The following CSMD1 variants were observed in gnomAD, a reference collection of about 807,000 sequenced individuals.
CSMD1 encodes the protein CUB and sushi domain-containing protein 1.
In CSMD1, 213 loss-of-function variants were observed where a neutral mutation model predicts 417.5. The observed-to-expected ratio is 0.51, with a 90% CI of 0.46 to 0.57. The LOEUF is 0.57. CSMD1 is among the 20% of genes least tolerant of loss of function. The probability of loss-of-function intolerance (pLI) is 0.00; values close to 1 mark genes in which losing one functional copy is unlikely to be tolerated. For synonymous variants in CSMD1, 2,862 were observed against 1,736.8 expected (o/e 1.65, Z -16.11); for missense variants, 6,923 against 4,529.7 (o/e 1.53, Z -15.17).
At chr8:4,631,637 AC>A (rs1215798829) in intron 2 of CSMD1, among the ~76,000 whole-genome samples, 1 of 152,146 alleles carries the variant, frequency 6.6e-6, no homozygotes, top group Admixed American at 6.6e-5. Flanking sequence ...CCACAATAAA[AC>A]TGTTTTTAAA....
intron 5 of CSMD1, among the ~76,000 whole-genome samples, chr8:3,971,375 G>A (rs142434603): frequency 1.1e-4 from 17 of 152,218 alleles, no homozygotes; most frequent in South Asian, 2.1e-4. Flanking sequence ...AAATATAAAT[G>A]ACGACTGTCC....
rs191920477 is a variant in CSMD1 at position 3,422,619 on chromosome 8, G to A, written c.1562-13014C>T. 5.3e-5 allele frequency among the ~76,000 whole-genome samples: 8 copies of A among 152,232 alleles called. No individual in the cohort carries two copies. The East Asian group carries it at 1.5e-3, about 29-fold the overall frequency. ...AGGGCTAGACCATGATCTGTCTTTTGGGAATCAAGTGGGAAATAAATTAAA... is the reference window on the plus strand; with the variant it reads ...AGGGCTAGACCATGATCTGTCTTTTAGGAATCAAGTGGGAAATAAATTAAA... On this transcript the variant is annotated intron_variant, in intron 12 of 69. Coordinates refer to ENST00000635120, the MANE Select transcript of CSMD1 (RefSeq NM_033225.6).
At chr8:4,421,776 A>G (rs1797258954) in intron 2 of CSMD1, among the ~76,000 whole-genome samples, 1 of 152,118 alleles carries the variant, frequency 6.6e-6, no homozygotes, top group African/African-American at 2.4e-5. Context: ...GAACTATAAA[A>G]GAAAAAAACA....
chr8:4,795,349 GCAAGCTCCGCCTCCCAGGTT>G (rs1357575965), intron 1 of CSMD1, among the ~76,000 whole-genome samples: 1 of 126,186 alleles, frequency 7.9e-6, no homozygotes, highest in African/African-American at 3.0e-5. Context: ...TTGGCTCACT[GCAAGCTCCGCCTCCCAGGTT>G]CAAGCAATTC....
At chr8:4,993,024 T>C (rs948834696) in intron 1 of CSMD1, among the ~76,000 whole-genome samples, 1 of 152,040 alleles carries the variant, frequency 6.6e-6, no homozygotes, top group African/African-American at 2.4e-5. Context: ...GGCACGTCTC[T>C]CCCCCGCTCT....
intron 2 of CSMD1, among the ~76,000 whole-genome samples, chr8:4,456,575 C>T (rs779365475): frequency 6.6e-6 from 1 of 152,150 alleles, no homozygotes; most frequent in Non-Finnish European, 1.5e-5. Context: ...ACAGCCCTGT[C>T]TTCTCACAAA....
At position 3,253,056 on chromosome 8, in the gene CSMD1, C is replaced by T. The variant is rs139195733; in HGVS notation, c.4154-22825G>A. The stretch of plus-strand genomic sequence containing the variant: ...TTTTTGAAGGGTATTTTAGTTATTT[C>T]TTTCCTTCTGCTAGCTTTTGAGTAT... On this transcript the variant is annotated intron_variant, in intron 26 of 69. Transcript: ENST00000635120. Among the ~76,000 whole-genome samples the T allele has an allele frequency of 5.9e-3, 883 of 150,230 alleles. 8 individuals carry two copies. Among genetic ancestry groups the T allele is most frequent in the African/African-American group, 0.02 (828 of 41,092 alleles).
chr8:4,369,641 C>G (rs1263550714), intron 3 of CSMD1, among the ~76,000 whole-genome samples: 3 of 152,168 alleles, frequency 2.0e-5, no homozygotes, highest in Non-Finnish European at 4.4e-5. Context: ...AGTGACTTAA[C>G]TACTTAAAAT....
At position 4,604,408 on chromosome 8, in the gene CSMD1, T is replaced by TGCGCGCGC. The variant is rs766177830; in HGVS notation, c.302+32933_302+32934insGCGCGCGC. On this transcript the variant is annotated intron_variant, in intron 2 of 69. Transcript: ENST00000635120. ...GTGTGTGTGTGTGTGTGTGTGTGTG[T>TGCGCGCGC]GTGCGCGTGCGTAAAGACTAGGATC... Among the ~76,000 whole-genome samples the TGCGCGCGC allele has an allele frequency of 1.2e-4, 7 of 59,496 alleles. No individual in the cohort carries two copies. In the South Asian group the frequency reaches 2.0e-3, roughly 17 times the overall value. The allele number at this position is 59,496 out of a possible 152,430, so 39.0% of individuals were successfully genotyped here. A position where few individuals can be genotyped will look rare whatever the true frequency, so the allele number is the denominator to read the frequency against.
At chr8:3,777,475 G>C (rs1456368219) in intron 5 of CSMD1, among the ~76,000 whole-genome samples, 1 of 152,156 alleles carries the variant, frequency 6.6e-6, no homozygotes, top group East Asian at 1.9e-4. Context: ...CTGGTGTCCT[G>C]CTACTCTAAG....
chr8:4,721,641 G>C (rs937214804), intron 1 of CSMD1, among the ~76,000 whole-genome samples: 1 of 152,206 alleles, frequency 6.6e-6, no homozygotes, highest in Non-Finnish European at 1.5e-5. Context: ...TAATGGAAGA[G>C]TATGGAGGTT....
Position 3,005,168 on chromosome 8 carries a change from C to T in CSMD1, c.8030-5037G>A, listed in dbSNP as rs6987877. ...GATAATAAAAACAATAACAATAATA[C>T]GGTGAAACTTCAGAACCATTGAGGT... On this transcript the variant is annotated intron_variant, in intron 52 of 69. Coordinates refer to ENST00000635120, the MANE Select transcript of CSMD1 (RefSeq NM_033225.6). 5.7e-3 allele frequency among the ~76,000 whole-genome samples: 860 copies of T among 152,190 alleles called. 6 individuals are homozygous for T. Among genetic ancestry groups the T allele is most frequent in the African/African-American group, 0.02 (811 of 41,528 alleles).
At chr8:4,476,097 A>G (rs1042114401) in intron 2 of CSMD1, among the ~76,000 whole-genome samples, 2 of 151,970 alleles carry the variant, frequency 1.3e-5, no homozygotes, top group African/African-American at 4.8e-5. Flanking sequence ...TATTTAATAC[A>G]TAATAGATTA....
intron 3 of CSMD1, among the ~76,000 whole-genome samples, chr8:4,060,504 A>G (rs1193827917): frequency 6.6e-6 from 1 of 152,178 alleles, no homozygotes; most frequent in East Asian, 1.9e-4. Flanking sequence ...AGGTTTTAGA[A>G]TAGAAAAACA....
intron 7 of CSMD1, chr8:3,702,048 T>A (rs1800901614): frequency 6.6e-6 from 1 of 152,190 alleles, no homozygotes; most frequent in Non-Finnish European, 1.5e-5. Flanking sequence ...AGTGAACGTT[T>A]ATGGTTAAAT....
At chr8:4,210,679 A>G (rs1253269227) in intron 3 of CSMD1, among the ~76,000 whole-genome samples, 4 of 152,178 alleles carry the variant, frequency 2.6e-5, no homozygotes, top group Admixed American at 6.5e-5. Flanking sequence ...AAGAAAGCCA[A>G]TTTTCCACTT....
intron 3 of CSMD1, among the ~76,000 whole-genome samples, chr8:4,087,103 C>G (rs926890855): frequency 2.4e-4 from 36 of 152,294 alleles, no homozygotes; most frequent in African/African-American, 8.7e-4. Flanking sequence ...CTTCCTGGAG[C>G]AACTGGCATT....
Position 3,534,681 on chromosome 8 carries a change from T to A in CSMD1, c.1344+40264A>T, listed in dbSNP as rs1290580222. ...GCCAAACAATTTTAGAAAACCATTG[T>A]GTACATCCTTTTTCATTCTTCTAGT... On this transcript the variant is annotated intron_variant, in intron 10 of 69. Transcript: ENST00000635120. Among the ~76,000 whole-genome samples, 5 of 152,216 alleles carry A rather than the reference T, an allele frequency of 3.3e-5. No homozygotes were observed. In the South Asian group the frequency reaches 8.3e-4, roughly 25 times the overall value.
At chr8:3,395,358 G>C (rs1350110420) in intron 17 of CSMD1, among the ~76,000 whole-genome samples, 1 of 152,148 alleles carries the variant, frequency 6.6e-6, no homozygotes, top group African/African-American at 2.4e-5. Context: ...TTCAAACAGA[G>C]AAAAGAATAA....
Sources: gnomAD v4.1 joint callset for allele counts (sites outside exome capture counted in the v4.1 genomes callset) on GRCh38, gnomAD v4.1.1 for gene constraint, MANE v1.5 for transcripts, NCBI Gene and HGNC (gene_info 2026-07-23, HGNC 2026-07-21) for gene names.